The following HPSE2 variants were observed in gnomAD, a reference collection of about 807,000 sequenced individuals.
HPSE2 encodes heparanase 2 (inactive), also known as inactive heparanase-2.
In HPSE2, 38 loss-of-function variants were observed where a neutral mutation model predicts 60.5. The ratio of observed to expected loss-of-function variants is 0.63; its 90% CI spans 0.48 to 0.82. The LOEUF (loss-of-function observed/expected upper bound fraction) is 0.82. Among genes scored for constraint, HPSE2 ranks in the 40% least tolerant of loss-of-function variants. HPSE2 has a pLI of 0.00. For synonymous variants in HPSE2, 295 were observed against 293.2 expected, an observed-to-expected ratio of 1.01 and a Z score of -0.06; for missense variants, 713 against 740.4, an observed-to-expected ratio of 0.96 and a Z score of 0.43.
the HPSE2 span, among the ~76,000 whole-genome samples, chr10:99,302,000 G>C: frequency 1.3e-5 from 2 of 152,054 alleles, no homozygotes; most frequent in East Asian, 3.9e-4. Context: ...CCACGGAATA[G>C]ATCTACTCTA....
chr10:98,915,519 T>C (rs1008531772), intron 3 of HPSE2, among the ~76,000 whole-genome samples: 3 of 151,794 alleles, frequency 2.0e-5, no homozygotes, highest in African/African-American at 7.3e-5. Context: ...GAGGGAAAAA[T>C]TTACTTATAA....
At position 99,105,767 on chromosome 10, in the gene HPSE2, T is replaced by C. The variant is rs1844221412; in HGVS notation, c.610+38471A>G. ...ATTTATAGTTTTACCTGGTACATTA[T>C]GTCTATGGTCCATTTTGAGCTAAAC... On this transcript the variant is annotated intron_variant, in intron 3 of 11. Coordinates refer to ENST00000370552, the MANE Select transcript of HPSE2 (RefSeq NM_021828.5). Among the ~76,000 whole-genome samples the C allele has an allele frequency of 2.0e-5, 3 of 152,234 alleles. No individual in the cohort carries two copies. The South Asian group carries it at 6.2e-4, about 32-fold the overall frequency.
intron 3 of HPSE2, among the ~76,000 whole-genome samples, chr10:99,091,921 CT>C (rs1169825242): frequency 6.6e-6 from 1 of 152,132 alleles, no homozygotes; most frequent in Non-Finnish European, 1.5e-5. Context: ...TCAAAAGTTG[CT>C]GTCATTTTTG....
At chr10:99,124,941 T>G (rs554582728) in intron 3 of HPSE2, among the ~76,000 whole-genome samples, 132 of 152,366 alleles carry the variant, frequency 8.7e-4, no homozygotes, top group Middle Eastern at 6.8e-3. Flanking sequence ...CCACTCCATA[T>G]GGGCTGCCAC....
chr10:98,560,678 T>C (rs995898928), intron 9 of HPSE2, among the ~76,000 whole-genome samples: 1 of 152,226 alleles, frequency 6.6e-6, no homozygotes, highest in Non-Finnish European at 1.5e-5. Context: ...ATGTGCCAAG[T>C]ACAGTCATGC....
chr10:98,950,967 T>C (rs1023834300), intron 3 of HPSE2, among the ~76,000 whole-genome samples: 2 of 152,212 alleles, frequency 1.3e-5, no homozygotes, highest in Non-Finnish European at 2.9e-5. Context: ...TGTGCCACTT[T>C]ATGTCAGAGA....
intron 9 of HPSE2, among the ~76,000 whole-genome samples, chr10:98,589,423 A>C (rs1945026606): frequency 6.6e-6 from 1 of 152,158 alleles, no homozygotes; most frequent in African/African-American, 2.4e-5. Context: ...GGAATCTAAC[A>C]AATAGTGGTC....
intron 2 of HPSE2, among the ~76,000 whole-genome samples, chr10:99,204,239 C>T (rs1355295033): frequency 6.6e-6 from 1 of 152,156 alleles, no homozygotes; most frequent in Non-Finnish European, 1.5e-5. Flanking sequence ...AACAGACCCA[C>T]CCCAGTAGAT....
chr10:98,834,532 T>G (rs1006861466), intron 3 of HPSE2, among the ~76,000 whole-genome samples: 2 of 152,118 alleles, frequency 1.3e-5, no homozygotes, highest in African/African-American at 2.4e-5. Context: ...TTAATGCATT[T>G]GTACACTCAG....
At chr10:98,777,816 A>G (rs1950374484) in intron 3 of HPSE2, among the ~76,000 whole-genome samples, 1 of 152,138 alleles carries the variant, frequency 6.6e-6, no homozygotes, top group African/African-American at 2.4e-5. Flanking sequence ...CTACAGCCAC[A>G]TTTAACTACT....
intron 2 of HPSE2, among the ~76,000 whole-genome samples, chr10:99,151,757 A>C (rs1478777989): frequency 6.6e-6 from 1 of 152,114 alleles, no homozygotes; most frequent in Non-Finnish European, 1.5e-5. Flanking sequence ...AAAAAAAATA[A>C]AGGAAATATT....
the HPSE2 span, among the ~76,000 whole-genome samples, chr10:99,243,043 T>C: frequency 1.3e-5 from 2 of 152,288 alleles, no homozygotes; most frequent in African/African-American, 4.8e-5. Flanking sequence ...GACTTTATCT[T>C]CATAATTTGG....
intron 3 of HPSE2, among the ~76,000 whole-genome samples, chr10:99,094,195 A>G (rs1486340726): frequency 6.6e-6 from 1 of 151,788 alleles, no homozygotes; most frequent in African/African-American, 2.4e-5. Context: ...TTTGTTTTTT[A>G]ATTTCCACAT....
At chr10:98,709,285 T>C (rs1948621285) in intron 5 of HPSE2, among the ~76,000 whole-genome samples, 1 of 152,140 alleles carries the variant, frequency 6.6e-6, no homozygotes, top group East Asian at 1.9e-4. Flanking sequence ...AGAGTGAAAT[T>C]CTGTTTAGGG....
At chr10:98,570,012 T>G (rs933594671) in intron 9 of HPSE2, among the ~76,000 whole-genome samples, 13 of 152,354 alleles carry the variant, frequency 8.5e-5, no homozygotes, top group Admixed American at 3.3e-4. Context: ...TTAAGAGGTC[T>G]TCTCTGAGAC....
intron 3 of HPSE2, among the ~76,000 whole-genome samples, chr10:98,835,357 C>T (rs1378631320): frequency 2.0e-5 from 3 of 152,002 alleles, no homozygotes; most frequent in South Asian, 2.1e-4. Context: ...ACTTCAAAAA[C>T]ATGAAATTTA....
chr10:99,021,544 A>G (rs2135426651), intron 3 of HPSE2, among the ~76,000 whole-genome samples: 1 of 152,328 alleles, frequency 6.6e-6, no homozygotes, highest in East Asian at 1.9e-4. Flanking sequence ...CCTACTCTAA[A>G]TTAATTATGA....
chr10:98,604,119 T>A (rs1326416369), intron 9 of HPSE2, among the ~76,000 whole-genome samples: 1 of 152,004 alleles, frequency 6.6e-6, no homozygotes, highest in African/African-American at 2.4e-5. Flanking sequence ...CAAGGCACAC[T>A]TAAAGGGAAA....
chr10:99,294,047 T>A, the HPSE2 span, among the ~76,000 whole-genome samples: 1 of 152,180 alleles, frequency 6.6e-6, no homozygotes, highest in East Asian at 1.9e-4. Context: ...CTAAACCTAC[T>A]TAGGGCATGA....
Sources: gnomAD v4.1 joint callset for allele counts (sites outside exome capture counted in the v4.1 genomes callset) on GRCh38, gnomAD v4.1.1 for gene constraint, MANE v1.5 for transcripts, NCBI Gene and HGNC (gene_info 2026-07-23, HGNC 2026-07-21) for gene names.